Variants in MICU1 observed in about 807,000 individuals in gnomAD.
MICU1 encodes calcium uptake protein 1, mitochondrial.
Under a neutral mutation model 56.8 loss-of-function variants are expected in MICU1, and 45 were observed. The observed-to-expected ratio is 0.79, with a 90% CI of 0.62 to 1.02. MICU1 has a LOEUF of 1.02. Ranked by LOEUF, MICU1 falls within the 50% of genes least tolerant of loss-of-function variation. MICU1 has a pLI of 0.00. For missense variants in MICU1, 504 were observed against 587.1 expected (o/e 0.86, Z 1.46); for synonymous variants, 186 against 195.1 (o/e 0.95, Z 0.39).
intron 5 of MICU1, among the ~76,000 whole-genome samples, chr10:72,520,879 G>A (rs1390286641): frequency 6.6e-6 from 1 of 152,036 alleles, no homozygotes; most frequent in East Asian, 1.9e-4. Flanking sequence ...AACTCTAGAA[G>A]GAGAAAATCT....
intron 1 of MICU1, among the ~76,000 whole-genome samples, chr10:72,578,804 A>G (rs1201207191): frequency 6.6e-6 from 1 of 151,904 alleles, no homozygotes; most frequent in East Asian, 1.9e-4. Context: ...ACGGGGTTTC[A>G]CCATATTGGC....
intron 1 of MICU1, among the ~76,000 whole-genome samples, chr10:72,579,708 G>C (rs1382830338): frequency 6.6e-6 from 1 of 152,102 alleles, no homozygotes; most frequent in African/African-American, 2.4e-5. Context: ...AACAACCACA[G>C]AATGTCCACA....
chr10:72,557,432 T>C lies in MICU1; in HGVS notation c.330+5463A>G, dbSNP rs1004709456. On this transcript the variant is annotated intron_variant, in intron 3 of 11. Coordinates refer to ENST00000361114, the MANE Select transcript of MICU1 (RefSeq NM_001195518.2). Reference sequence around the variant, plus strand: ...AAATTACTCCCATTCACTGGACAACTAGCAATCTCCACCACAGTGGATACA... The same window carrying C: ...AAATTACTCCCATTCACTGGACAACCAGCAATCTCCACCACAGTGGATACA... Among the ~76,000 whole-genome samples the C allele has an allele frequency of 4.8e-4, 73 of 152,170 alleles. 1 individual carries two copies. The highest frequency in any genetic ancestry group is 1.5e-3 in the African/African-American group (64 of 41,428).
intron 8 of MICU1, among the ~76,000 whole-genome samples, chr10:72,427,394 A>G (rs549662160): frequency 6.8e-4 from 104 of 152,340 alleles, no homozygotes; most frequent in Non-Finnish European, 1.2e-3. Flanking sequence ...AAGAAAACAT[A>G]TATTATGAAC....
chr10:72,565,931 A>C (rs1287976379), intron 2 of MICU1, among the ~76,000 whole-genome samples: 2 of 152,076 alleles, frequency 1.3e-5, no homozygotes, highest in Non-Finnish European at 2.9e-5. Flanking sequence ...TTTCCAAGGA[A>C]GTTTCCATAA....
chr10:72,551,011 C>A (rs1397892935), intron 4 of MICU1, among the ~76,000 whole-genome samples, 168 bp downstream of exon 4: 3 of 152,214 alleles, frequency 2.0e-5, no homozygotes. Context: ...AGACTGCAGG[C>A]TTCTCTTTTG....
At chr10:72,405,517 A>G (rs1308946868) in intron 10 of MICU1, among the ~76,000 whole-genome samples, 2 of 151,818 alleles carry the variant, frequency 1.3e-5, no homozygotes, top group African/African-American at 2.4e-5. Flanking sequence ...CACTGTGCCC[A>G]GTCCCTAACT....
chr10:72,514,714 A>G (rs1006779822), intron 5 of MICU1, among the ~76,000 whole-genome samples: 45 of 152,202 alleles, frequency 3.0e-4, no homozygotes, highest in African/African-American at 1.1e-3. Context: ...TAGCAAGACC[A>G]TTTACAACTC....
At chr10:72,512,097 G>GTT (rs1867471926) in intron 5 of MICU1, among the ~76,000 whole-genome samples, 12 of 100,704 alleles carry the variant, frequency 1.2e-4, no homozygotes, top group African/African-American at 2.9e-4. Context: ...TCCATACACA[G>GTT]TTGTTTTTTG....
intron 3 of MICU1, among the ~76,000 whole-genome samples, chr10:72,561,054 A>AC: frequency 6.6e-6 from 1 of 152,362 alleles, no homozygotes; most frequent in Admixed American, 6.5e-5. Context: ...ATACAGAAAG[A>AC]CATTAAAACA....
rs201371883 is a variant in MICU1 at position 72,488,089 on chromosome 10, G to A, written c.653-10833C>T. 1.1e-4 allele frequency among the ~76,000 whole-genome samples: 16 copies of A among 151,520 alleles called. No individual in the cohort carries two copies. In the East Asian group the frequency reaches 1.9e-3, roughly 18 times the overall value. Reference sequence around the variant, plus strand: ...CACATGCCTGTAATCCCAGCTACTCGGGAGGCTGAGGCAGAATTGCTTGAA... The same window carrying A: ...CACATGCCTGTAATCCCAGCTACTCAGGAGGCTGAGGCAGAATTGCTTGAA... On this transcript the variant is annotated intron_variant, in intron 6 of 11. Transcript: ENST00000361114.
chr10:72,444,951 A>G (rs1865062574), intron 8 of MICU1, among the ~76,000 whole-genome samples: 1 of 152,228 alleles, frequency 6.6e-6, no homozygotes, highest in Non-Finnish European at 1.5e-5. Flanking sequence ...GTGATACTTC[A>G]TTAGAATTGG....
chr10:72,623,354 G>C (rs1842154729), intron 1 of MICU1, among the ~76,000 whole-genome samples: 1 of 135,412 alleles, frequency 7.4e-6, no homozygotes, highest in Non-Finnish European at 1.6e-5. Context: ...GGAGGGGAGG[G>C]AGAAAGAAAG....
intron 4 of MICU1, among the ~76,000 whole-genome samples, chr10:72,544,310 G>A (rs1238752241): frequency 2.0e-5 from 3 of 152,162 alleles, no homozygotes; most frequent in African/African-American, 4.8e-5. Flanking sequence ...GCCGAATAAA[G>A]CTCTTCCTTC....
chr10:72,551,202 G>A lies in MICU1; in HGVS notation c.470C>T (p.Thr157Ile). 1.2e-6 allele frequency: 2 copies of A among 1,608,306 alleles called. No homozygotes were observed. Among genetic ancestry groups the A allele is most frequent in the Non-Finnish European group, 1.7e-6 (2 of 1,177,454 alleles). The stretch of plus-strand genomic sequence containing the variant: ...ACGTTCTGGTTGTTTTTCATTGGGT[G>A]TTATGGATCGCACAAAATCTTCTGG... ...MTPEDFVRSI[T>I]PNEKQPEHLG... Residue 157 changes from threonine to isoleucine, a missense_variant, in exon 4 of 12, where the codon ACA (threonine) becomes ATA (isoleucine). Transcript: ENST00000361114.
At chr10:72,559,818 G>C (rs909607420) in intron 3 of MICU1, among the ~76,000 whole-genome samples, 72 of 152,318 alleles carry the variant, frequency 4.7e-4, no homozygotes, top group Non-Finnish European at 8.8e-5. Flanking sequence ...TGCATAGCAG[G>C]AGGTAAGCAG....
intron 6 of MICU1, among the ~76,000 whole-genome samples, chr10:72,492,408 T>C (rs1002869367): frequency 6.6e-6 from 1 of 152,162 alleles, no homozygotes; most frequent in African/African-American, 2.4e-5. Context: ...TCTGGATTAC[T>C]TCATGGTAGA....
chr10:72,403,951 G>A (rs949414768), intron 10 of MICU1, among the ~76,000 whole-genome samples: 18 of 147,524 alleles, frequency 1.2e-4, no homozygotes, highest in Admixed American at 4.1e-4. Context: ...CACCACGCCC[G>A]GCAGTGTGTG....
chr10:72,595,976 A>AT (rs1262336358), intron 1 of MICU1, among the ~76,000 whole-genome samples: 19 of 93,870 alleles, frequency 2.0e-4, no homozygotes, highest in Admixed American at 3.7e-4. Context: ...ACAATAAAAA[A>AT]ATTTTTTTCT....
Sources: allele counts gnomAD v4.1 joint callset (sites outside exome capture counted in the v4.1 genomes callset), GRCh38; gene constraint gnomAD v4.1.1; transcripts MANE v1.5; gene names NCBI Gene and HGNC (gene_info 2026-07-23, HGNC 2026-07-21).